The following LAT2 variants were observed in gnomAD, a reference collection of about 807,000 sequenced individuals.
The protein encoded by LAT2 is linker for activation of T cells family member 2, also known as linker for activation of T-cells family member 2.
In LAT2, 23 loss-of-function variants were observed where a neutral mutation model predicts 43.4. That is an observed-to-expected ratio of 0.53 (90% CI 0.38 to 0.75). The LOEUF (loss-of-function observed/expected upper bound fraction) is 0.75, where lower values mean the gene tolerates loss of function less well. Among genes scored for constraint, LAT2 ranks in the 30% least tolerant of loss-of-function variants. LAT2 has a pLI of 0.00. For missense variants in LAT2, 284 were observed against 310.2 expected (o/e 0.92, Z 0.64); for synonymous variants, 128 against 123.2 (o/e 1.04, Z -0.26).
At chr7:74,218,934 G>T (rs1352337932) in intron 4 of LAT2, among the ~76,000 whole-genome samples, 15 of 149,682 alleles carry the variant, frequency 1.0e-4, no homozygotes, top group African/African-American at 3.5e-4. Flanking sequence ...CCAACCTCAG[G>T]TGATTCGCCT....
intron 1 of LAT2, among the ~76,000 whole-genome samples, chr7:74,213,021 A>G (rs146701586): frequency 6.6e-6 from 1 of 152,210 alleles, no homozygotes; most frequent in African/African-American, 2.4e-5. Context: ...GACTTGTCCA[A>G]AGCCACACAG....
At position 74,220,882 on chromosome 7, in the gene LAT2, C is replaced by T. The variant is rs532783549; in HGVS notation, c.332+148C>T. 7.7e-5 allele frequency: 51 copies of T among 661,986 alleles called. No homozygotes were observed. Among genetic ancestry groups the T allele is most frequent in the Non-Finnish European group, 1.2e-4 (49 of 394,940 alleles). The allele number at this position is 661,986 out of a possible 1,614,324, so 41.0% of individuals were successfully genotyped here. Reference sequence around the variant, plus strand: ...CACCTCTTGCACTAGAACGAGGCATCCAGGTTCCCCTCCTTCTCCTGGCAG... The same window carrying T: ...CACCTCTTGCACTAGAACGAGGCATTCAGGTTCCCCTCCTTCTCCTGGCAG... On this transcript the variant is annotated intron_variant, in intron 9 of 13. Coordinates refer to ENST00000460943, the MANE Select transcript of LAT2 (RefSeq NM_032464.3). This position sits in a 1 kb window ranked among gnomAD's most constrained non-coding sequence, Gnocchi z 4.5.
At chr7:74,210,511 C>T (rs1801694201) in intron 1 of LAT2, among the ~76,000 whole-genome samples, 2 of 152,102 alleles carry the variant, frequency 1.3e-5, no homozygotes, top group East Asian at 1.9e-4. Context: ...AGGTGAAGAA[C>T]CCCCACTGCC....
chr7:74,220,381 C>G lies in LAT2; in HGVS notation c.265+127C>G, dbSNP rs1362845088. ...CCAGGCGAGGCCTCCCCAGGAGAGA[C>G]ACACAGGCTGGGGCAGGGCAGGCTC... On this transcript the variant is annotated intron_variant, in intron 7 of 13. Coordinates refer to ENST00000460943, the MANE Select transcript of LAT2 (RefSeq NM_032464.3). This position sits in a 1 kb window ranked among gnomAD's most constrained non-coding sequence, Gnocchi z 4.5. 53 of 1,277,010 alleles carry G rather than the reference C, an allele frequency of 4.2e-5. No individual in the cohort carries two copies. The highest frequency in any genetic ancestry group is 5.8e-5 in the Non-Finnish European group (52 of 898,088). 79.1% of individuals were successfully genotyped at this position (1,277,010 alleles called of 1,614,324 possible). A position where few individuals can be genotyped will look rare whatever the true frequency, so the allele number is the denominator to read the frequency against.
At chr7:74,228,706 G>A (rs1255866629) in intron 13 of LAT2, among the ~76,000 whole-genome samples, 2 of 150,552 alleles carry the variant, frequency 1.3e-5, no homozygotes, top group Non-Finnish European at 1.5e-5. Flanking sequence ...GGAGAATGGC[G>A]TGAACCTGAG....
Position 74,219,009 on chromosome 7 carries a change from C to CTTTTT in LAT2, c.135-701_135-697dup, listed in dbSNP as rs781806954. On this transcript the variant is annotated intron_variant, in intron 4 of 13. Coordinates refer to ENST00000460943, the MANE Select transcript of LAT2 (RefSeq NM_032464.3). ...CACCATGCCGGGTCTAGAGTGTGTG[C>CTTTTT]TTTTTTTTTTTTTTTTTTTTTTTTT... 1.4e-4 allele frequency among the ~76,000 whole-genome samples: 7 copies of CTTTTT among 48,804 alleles called. 2 individuals carry two copies. The highest frequency in any genetic ancestry group is 3.6e-4 in the African/African-American group (5 of 13,922). 32.0% of individuals were successfully genotyped at this position (48,804 alleles called of 152,430 possible).
intron 13 of LAT2, among the ~76,000 whole-genome samples, chr7:74,228,515 G>A (rs191366767): frequency 2.7e-5 from 4 of 148,864 alleles, no homozygotes; most frequent in Non-Finnish European, 5.9e-5. Context: ...GCCAGGCGTG[G>A]TGGCTCACGC....
At chr7:74,211,545 C>A (rs185289168) in intron 1 of LAT2, among the ~76,000 whole-genome samples, 3 of 152,140 alleles carry the variant, frequency 2.0e-5, no homozygotes, top group African/African-American at 7.2e-5. Flanking sequence ...GCAAGCTCCA[C>A]CTCCCGGGTA....
chr7:74,214,416 AAAT>A (rs1554713781), intron 1 of LAT2, among the ~76,000 whole-genome samples: 5 of 62,414 alleles, frequency 8.0e-5, no homozygotes, highest in African/African-American at 2.8e-4. Context: ...ATATATATAT[AAAT>A]ATATATATAT....
At chr7:74,221,007 G>C (rs1183857423) in intron 9 of LAT2, among the ~76,000 whole-genome samples, 5 of 152,178 alleles carry the variant, frequency 3.3e-5, no homozygotes, top group African/African-American at 1.2e-4. Context: ...GCGGGGGATA[G>C]AGACTCATTC....
Position 74,216,015 on chromosome 7 carries a change from C to T in LAT2, c.40C>T (p.Leu14=), listed in dbSNP as rs782051301. ...TGAACTGCTGTGGCCCGGAGCAGCG[C>T]TGCTGGTGCTGTTGGGGGTGGCAGC... is the stretch of plus-strand genomic sequence containing the variant. The part of the protein sequence containing the change: ...GTELLWPGAA[L]LVLLGVAASL... Residue 14 remains leucine (L), a synonymous_variant, in exon 3 of 14, where the codon CTG becomes TTG. Coordinates refer to ENST00000460943, the MANE Select transcript of LAT2 (RefSeq NM_032464.3). The T allele has an allele frequency of 1.4e-5, 22 of 1,613,910 alleles. No individual in the cohort carries two copies. In the South Asian group the frequency reaches 2.2e-4, roughly 16 times the overall value.
Position 74,221,712 on chromosome 7 carries a change from C to T in LAT2, c.388+20C>T, listed in dbSNP as rs782527459. 15 of 1,606,648 alleles carry T rather than the reference C, an allele frequency of 9.3e-6. No homozygotes were observed. Among genetic ancestry groups the T allele is most frequent in the South Asian group, 2.2e-5 (2 of 90,488 alleles). ...CAGAAGGTGAGGCGAAGGACAAAGC[C>T]GGAGGTGGAGGAAGTGGTGTGGGAG... is the stretch of plus-strand genomic sequence containing the variant. On this transcript the variant is annotated intron_variant, in intron 10 of 13. Coordinates refer to ENST00000460943, the MANE Select transcript of LAT2 (RefSeq NM_032464.3).
intron 2 of LAT2, among the ~76,000 whole-genome samples, chr7:74,215,494 CTGGAGGCAACCCACTG>C (rs1554714108): frequency 6.6e-6 from 1 of 152,092 alleles, no homozygotes; most frequent in East Asian, 1.9e-4. Flanking sequence ...GGTGGGTTTA[CTGGAGGCAACCCACTG>C]TGGGTTGATG....
chr7:74,217,397 C>CTCCA lies in LAT2; in HGVS notation c.134+534_134+537dup, dbSNP rs1339531610. Among the ~76,000 whole-genome samples the CTCCA allele has an allele frequency of 2.0e-5, 3 of 151,930 alleles. No homozygotes were observed. In the East Asian group the frequency reaches 5.8e-4, roughly 29 times the overall value. Reference sequence around the variant, plus strand: ...AGAGAGCCGAGATTGTGCCACTGCACTCCAGCCTGGGCAAAAAAGCAAGAT... The same window carrying CTCCA: ...AGAGAGCCGAGATTGTGCCACTGCACTCCATCCAGCCTGGGCAAAAAAGCAAGAT... On this transcript the variant is annotated intron_variant, in intron 4 of 13. Coordinates refer to ENST00000460943, the MANE Select transcript of LAT2 (RefSeq NM_032464.3).
At chr7:74,214,307 AAT>A (rs1278324029) in intron 1 of LAT2, among the ~76,000 whole-genome samples, 2 of 66,406 alleles carry the variant, frequency 3.0e-5, no homozygotes, top group Non-Finnish European at 5.1e-5. Context: ...TATATATATA[AAT>A]ATATATATGA....
Position 74,219,951 on chromosome 7 carries a change from C to A in LAT2, c.179-9C>A, listed in dbSNP as rs1554714851. 2 of 1,613,578 alleles carry A rather than the reference C, an allele frequency of 1.2e-6. No homozygotes were observed. The highest frequency in any genetic ancestry group is 2.2e-5 in the South Asian group (2 of 91,088). On this transcript the variant is annotated splice_polypyrimidine_tract_variant and intron_variant, in intron 5 of 13. Transcript: ENST00000460943. The stretch of plus-strand genomic sequence containing the variant: ...GCCCAGCCAACACCCCACTTCTTGC[C>A]CTTTGTAGTGGTCGGGCAGGCATGG...
chr7:74,215,288 C>A (rs1403720922), intron 2 of LAT2: 1 of 153,034 alleles, frequency 6.5e-6, no homozygotes, highest in African/African-American at 2.4e-5. Context: ...GCTCCCACCA[C>A]AGGCAGAATC....
chr7:74,211,001 C>T (rs1422070956), intron 1 of LAT2, among the ~76,000 whole-genome samples: 2 of 151,700 alleles, frequency 1.3e-5, no homozygotes, highest in African/African-American at 4.9e-5. Flanking sequence ...CACTGTAGCT[C>T]CTCCAGCCCA....
At chr7:74,213,658 C>CAG (rs1170222133) in intron 1 of LAT2, among the ~76,000 whole-genome samples, 50 of 152,068 alleles carry the variant, frequency 3.3e-4, no homozygotes, top group Admixed American at 7.2e-4. Flanking sequence ...CTCCCGACCT[C>CAG]GTGATCTGCC....
Sources: allele counts gnomAD v4.1 joint callset (sites outside exome capture counted in the v4.1 genomes callset), GRCh38; gene constraint gnomAD v4.1.1; non-coding constraint Gnocchi (gnomAD v3.1); transcripts MANE v1.5; gene names NCBI Gene and HGNC (gene_info 2026-07-23, HGNC 2026-07-21).